Variants in IL1RAPL1 observed in about 807,000 individuals in gnomAD.
IL1RAPL1 encodes interleukin 1 receptor accessory protein like 1, also known as interleukin-1 receptor accessory protein-like 1.
In IL1RAPL1, 3 loss-of-function variants were observed where a neutral mutation model predicts 48.4. The observed-to-expected ratio is 0.06, with a 90% CI of 0.03 to 0.16. The LOEUF is 0.16. Ranked by LOEUF, IL1RAPL1 falls within the 10% of genes least tolerant of loss-of-function variation. The pLI, the probability that IL1RAPL1 is intolerant of heterozygous loss-of-function variation, is 1.00. For synonymous variants in IL1RAPL1, 185 were observed against 187.7 expected, an observed-to-expected ratio of 0.99 and a Z score of 0.12; for missense variants, 349 against 530.6, an observed-to-expected ratio of 0.66 and a Z score of 3.36.
intron 2 of IL1RAPL1, among the ~76,000 whole-genome samples, chrX:29,001,364 G>A (rs1012575587): frequency 3.6e-5 from 4 of 112,047 alleles, no homozygotes; most frequent in African/African-American, 9.7e-5. Context: ...TGCATAGAAG[G>A]TAGGAAATTA....
intron 6 of IL1RAPL1, among the ~76,000 whole-genome samples, chrX:29,827,044 G>C (rs892052128): frequency 1.8e-5 from 2 of 112,019 alleles, no homozygotes; most frequent in Non-Finnish European, 3.8e-5. Context: ...TTTGACTACT[G>C]TCATTCTAGT....
chrX:29,076,606 C>T (rs16988434), intron 2 of IL1RAPL1, among the ~76,000 whole-genome samples: 11,482 of 110,891 alleles, frequency 0.1, 496 homozygotes, highest in South Asian at 0.24. Flanking sequence ...GGTGGTCTTT[C>T]GATTCATTCC....
At chrX:29,890,186 CAT>C (rs1932249020) in intron 6 of IL1RAPL1, among the ~76,000 whole-genome samples, 1 of 111,658 alleles carries the variant, frequency 9.0e-6, no homozygotes, top group African/African-American at 3.3e-5. Context: ...GACTCACGGA[CAT>C]AGTTTGGAAC....
chrX:28,590,501 C>T (rs1933896373), intron 1 of IL1RAPL1, among the ~76,000 whole-genome samples: 1 of 111,150 alleles, frequency 9.0e-6, no homozygotes, highest in Admixed American at 9.7e-5. Flanking sequence ...AGGTGACTTT[C>T]ATACTTCTGC....
chrX:29,231,695 C>T (rs984445772), intron 2 of IL1RAPL1, among the ~76,000 whole-genome samples: 3 of 111,656 alleles, frequency 2.7e-5, no homozygotes, highest in Non-Finnish European at 5.6e-5. Context: ...GATTCTGATT[C>T]GGGAGATGTG....
At chrX:29,297,848 T>C (rs1932472455) in intron 3 of IL1RAPL1, among the ~76,000 whole-genome samples, 1 of 112,255 alleles carries the variant, frequency 8.9e-6, no homozygotes, top group Non-Finnish European at 1.9e-5. Context: ...TTAATACAAT[T>C]ATTTTTTTCA....
At chrX:29,094,518 G>C (rs923682105) in intron 2 of IL1RAPL1, among the ~76,000 whole-genome samples, 2 of 105,331 alleles carry the variant, frequency 1.9e-5, no homozygotes. Flanking sequence ...TGCACTTTGG[G>C]AGGCTGAGGT....
At position 29,599,463 on chromosome X, in the gene IL1RAPL1, C is replaced by G. The variant is rs374467141; in HGVS notation, c.704-68967C>G. Among the ~76,000 whole-genome samples, 3 of 111,857 alleles carry G rather than the reference C, an allele frequency of 2.7e-5. No individual in the cohort carries two copies. In the East Asian group the frequency reaches 8.4e-4, roughly 31 times the overall value. ...ACAGCTCGTAAGATTCTTTCCTTTG[C>G]CTGACTTTAGATAACCTCACGATTG... On this transcript the variant is annotated intron_variant, in intron 5 of 10. Transcript: ENST00000378993.
rs181572907 is a variant in IL1RAPL1 at position 29,508,404 on chromosome X, G to A, written c.703+109096G>A. ...TCTGAAAGGCTAGCTTAAATTCAAT[G>A]GTTACTGAATGAAAATAATTATTTT... is the stretch of plus-strand genomic sequence containing the variant. On this transcript the variant is annotated intron_variant, in intron 5 of 10. Coordinates refer to ENST00000378993, the MANE Select transcript of IL1RAPL1 (RefSeq NM_014271.4). Among the ~76,000 whole-genome samples the A allele has an allele frequency of 1.5e-3, 163 of 111,502 alleles. 1 individual carries two copies. Among genetic ancestry groups the A allele is most frequent in the Non-Finnish European group, 2.4e-3 (126 of 53,086 alleles).
intron 2 of IL1RAPL1, among the ~76,000 whole-genome samples, chrX:29,188,041 G>A (rs745457601): frequency 6.9e-4 from 77 of 111,985 alleles, no homozygotes; most frequent in Admixed American, 1.2e-3. Context: ...TAAATGAAAA[G>A]TAAGAGCTAA....
intron 6 of IL1RAPL1, among the ~76,000 whole-genome samples, chrX:29,744,693 A>T (rs1928288558): frequency 8.9e-6 from 1 of 112,289 alleles, no homozygotes; most frequent in Non-Finnish European, 1.9e-5. Flanking sequence ...TCATAGAAGT[A>T]ATTTCAATTA....
intron 2 of IL1RAPL1, among the ~76,000 whole-genome samples, chrX:28,831,026 C>CTCTCTCTCTCTCTCTCTCTCTGTG (rs1438889606): frequency 3.0e-5 from 1 of 33,644 alleles, no homozygotes; most frequent in Non-Finnish European, 4.9e-5. Flanking sequence ...CTCTCTCTCT[C>CTCTCTCTCTCTCTCTCTCTCTGTG]TGTGTGTGTG....
chrX:29,476,396 C>G (rs186005225), intron 5 of IL1RAPL1, among the ~76,000 whole-genome samples: 1 of 111,814 alleles, frequency 8.9e-6, no homozygotes, highest in African/African-American at 3.2e-5. Context: ...ACATTTTTCT[C>G]TGTGTACTTC....
At chrX:29,312,379 C>G (rs781527796) in intron 3 of IL1RAPL1, among the ~76,000 whole-genome samples, 2 of 110,601 alleles carry the variant, frequency 1.8e-5, no homozygotes, top group East Asian at 5.7e-4. Context: ...CAGCCGAGAT[C>G]GTACCACTGC....
At chrX:29,109,150 G>A (rs185901663) in intron 2 of IL1RAPL1, among the ~76,000 whole-genome samples, 2 of 111,376 alleles carry the variant, frequency 1.8e-5, no homozygotes, top group African/African-American at 6.5e-5. Flanking sequence ...TCAAAAAAAA[G>A]CAAATAATTG....
chrX:29,051,159 C>T (rs1418073414), intron 2 of IL1RAPL1, among the ~76,000 whole-genome samples: 3 of 111,997 alleles, frequency 2.7e-5, no homozygotes, highest in Non-Finnish European at 5.6e-5. Flanking sequence ...TCTGTCAAAC[C>T]GGAACATGTG....
intron 5 of IL1RAPL1, among the ~76,000 whole-genome samples, chrX:29,538,362 G>A (rs190038179): frequency 2.1e-4 from 18 of 86,805 alleles, no homozygotes; most frequent in Non-Finnish European, 3.7e-4. Context: ...TTTTGGAGAC[G>A]GAATCTCGCT....
intron 5 of IL1RAPL1, among the ~76,000 whole-genome samples, chrX:29,527,702 C>T (rs760178688): frequency 9.0e-6 from 1 of 111,273 alleles, no homozygotes; most frequent in East Asian, 2.8e-4. Flanking sequence ...ATATTAAAAA[C>T]TTCGCATGAC....
intron 2 of IL1RAPL1, among the ~76,000 whole-genome samples, chrX:29,233,890 A>G (rs1295673114): frequency 8.9e-6 from 1 of 112,547 alleles, no homozygotes; most frequent in African/African-American, 3.2e-5. Context: ...CTCCTTGACA[A>G]AGTAAGCAGC....
Sources: allele counts gnomAD v4.1 joint callset (sites outside exome capture counted in the v4.1 genomes callset), GRCh38; gene constraint gnomAD v4.1.1; transcripts MANE v1.5; gene names NCBI Gene and HGNC (gene_info 2026-07-23, HGNC 2026-07-21).